ST3GAL3: variants seen among roughly 807,000 people sequenced by gnomAD.
ST3GAL3 encodes ST3 beta-galactoside alpha-2,3-sialyltransferase 3, also known as CMP-N-acetylneuraminate-beta-1,4-galactoside alpha-2,3-sialyltransferase.
A neutral mutation model predicts 50.1 loss-of-function variants in ST3GAL3; 21 were observed. That is an observed-to-expected ratio of 0.42 (90% CI 0.30 to 0.60). The LOEUF is 0.60. ST3GAL3 is among the 20% of genes least tolerant of loss of function. The pLI, the probability that ST3GAL3 is intolerant of heterozygous loss-of-function variation, is 0.19. For missense variants in ST3GAL3, 353 were observed against 489.4 expected (o/e 0.72, Z 2.63); for synonymous variants, 183 against 190.0 (o/e 0.96, Z 0.30).
chr1:43,768,742 A>G (rs1361808152), intron 2 of ST3GAL3, among the ~76,000 whole-genome samples: 5 of 152,228 alleles, frequency 3.3e-5, no homozygotes, highest in Non-Finnish European at 5.9e-5. Context: ...TTTTAAACCA[A>G]TGGAATCAAT....
intron 1 of ST3GAL3, 131 bp downstream of exon 1, chr1:43,707,824 C>CCGGGAAGGCGGGGTCGGGGCA (rs1489467774): frequency 3.3e-5 from 5 of 152,276 alleles, no homozygotes; most frequent in African/African-American, 9.6e-5. Context: ...GCGCTAGTGC[C>CCGGGAAGGCGGGGTCGGGGCA]CGGGAAGGCG....
intron 2 of ST3GAL3, among the ~76,000 whole-genome samples, chr1:43,790,134 T>C (rs2057865975): frequency 6.6e-6 from 1 of 152,078 alleles, no homozygotes; most frequent in Admixed American, 6.6e-5. Flanking sequence ...GAGAAAAAAA[T>C]ATCGATGAAA....
chr1:43,896,705 G>A (rs146865964), intron 6 of ST3GAL3: 51 of 152,212 alleles, frequency 3.4e-4, no homozygotes, highest in African/African-American at 1.2e-3. Flanking sequence ...TAGCACTCCT[G>A]ACTAATTTTT....
chr1:43,915,107 T>A (rs1316018451), intron 9 of ST3GAL3, among the ~76,000 whole-genome samples: 1 of 152,126 alleles, frequency 6.6e-6, no homozygotes, highest in Non-Finnish European at 1.5e-5. Context: ...GACAGACAGT[T>A]TGCCAGAGAA....
intron 5 of ST3GAL3, among the ~76,000 whole-genome samples, chr1:43,873,193 T>C (rs1303320235): frequency 6.6e-6 from 1 of 151,996 alleles, no homozygotes; most frequent in East Asian, 1.9e-4. Context: ...ACAGGAGAGA[T>C]GATTGTGACC....
intron 2 of ST3GAL3, among the ~76,000 whole-genome samples, chr1:43,784,845 A>G (rs774325190): frequency 3.9e-5 from 6 of 152,216 alleles, no homozygotes; most frequent in East Asian, 1.9e-4. Context: ...ATTCTGTGCT[A>G]TCTTTTCAGC....
chr1:43,760,670 C>T (rs1295417605), intron 2 of ST3GAL3, among the ~76,000 whole-genome samples: 2 of 151,962 alleles, frequency 1.3e-5, no homozygotes, highest in African/African-American at 2.4e-5. Context: ...GCAGGAGAAT[C>T]GCTTGAACTC....
intron 5 of ST3GAL3, among the ~76,000 whole-genome samples, chr1:43,871,245 A>G (rs1187393242): frequency 6.6e-6 from 1 of 152,236 alleles, no homozygotes; most frequent in Non-Finnish European, 1.5e-5. Context: ...TGAGGTGGCC[A>G]AAGTACTTGG....
At chr1:43,923,060 G>A (rs1213126223) in intron 11 of ST3GAL3, among the ~76,000 whole-genome samples, 2 of 152,146 alleles carry the variant, frequency 1.3e-5, no homozygotes, top group East Asian at 3.9e-4. Flanking sequence ...CTGCACTCTA[G>A]CCTGGGTGAC....
intron 2 of ST3GAL3, among the ~76,000 whole-genome samples, chr1:43,747,824 G>A (rs1354785738): frequency 2.0e-5 from 3 of 151,736 alleles, no homozygotes; most frequent in East Asian, 1.9e-4. Context: ...CAGGTGATCC[G>A]CTTGCCTTGG....
intron 1 of ST3GAL3, among the ~76,000 whole-genome samples, chr1:43,732,058 C>T (rs1032252702): frequency 2.6e-5 from 4 of 152,196 alleles, no homozygotes; most frequent in Admixed American, 1.3e-4. Flanking sequence ...TACTATTCTA[C>T]AGCTAGATTT....
At chr1:43,862,607 C>A (rs1283720162) in intron 5 of ST3GAL3, among the ~76,000 whole-genome samples, 1 of 152,036 alleles carries the variant, frequency 6.6e-6, no homozygotes, top group East Asian at 1.9e-4. Flanking sequence ...CCAACACCAG[C>A]AGCATCAACA....
Position 43,776,452 on chromosome 1 carries a change from T to C in ST3GAL3, c.119-15650T>C, listed in dbSNP as rs78733569. Among the ~76,000 whole-genome samples the C allele has an allele frequency of 7.7e-3, 1,165 of 152,256 alleles. 22 individuals carry two copies. Among genetic ancestry groups the C allele is most frequent in the African/African-American group, 0.027 (1,107 of 41,564 alleles). On this transcript the variant is annotated intron_variant, in intron 2 of 11. Coordinates refer to ENST00000347631, the MANE Select transcript of ST3GAL3 (RefSeq NM_006279.5). ...ATAGGATAACACCACATTTTATTTA[T>C]CCATTCATCAGTTGATGAATGGATA...
chr1:43,736,578 G>C, intron 2 of ST3GAL3, 198 bp downstream of exon 2: 1 of 900,578 alleles, frequency 1.1e-6, no homozygotes, highest in Non-Finnish European at 1.8e-6. Flanking sequence ...AAAACTGCAT[G>C]CCATGACAAA....
At chr1:43,729,091 T>TTC (rs1299842256) in intron 1 of ST3GAL3, among the ~76,000 whole-genome samples, 19 of 68,840 alleles carry the variant, frequency 2.8e-4, no homozygotes, top group Non-Finnish European at 5.4e-4. Flanking sequence ...TTATTTTTCT[T>TTC]TTTTTTTTTT....
chr1:43,917,458 A>T (rs905135742), intron 9 of ST3GAL3, among the ~76,000 whole-genome samples: 1 of 21,984 alleles, frequency 4.5e-5, no homozygotes, highest in African/African-American at 6.7e-5. Context: ...ATAATATATA[A>T]TATATATAAT....
chr1:43,708,272 A>G (rs994449042), intron 1 of ST3GAL3: 1 of 152,178 alleles, frequency 6.6e-6, no homozygotes, highest in Non-Finnish European at 1.5e-5. Context: ...TGTCCCATGA[A>G]CATTTTGGAT....
At chr1:43,890,896 A>G (rs959713527) in intron 5 of ST3GAL3, among the ~76,000 whole-genome samples, 1 of 152,084 alleles carries the variant, frequency 6.6e-6, no homozygotes, top group Non-Finnish European at 1.5e-5. Flanking sequence ...AACATGCTCA[A>G]CAATATCCGA....
intron 5 of ST3GAL3, among the ~76,000 whole-genome samples, chr1:43,881,490 G>T (rs190394954): frequency 7.6e-4 from 116 of 152,340 alleles, no homozygotes; most frequent in African/African-American, 2.6e-3. Context: ...AGGCAGGGGC[G>T]CCTGCCTGAC....
Sources: allele counts gnomAD v4.1 joint callset (sites outside exome capture counted in the v4.1 genomes callset), GRCh38; gene constraint gnomAD v4.1.1; transcripts MANE v1.5; gene names NCBI Gene and HGNC (gene_info 2026-07-23, HGNC 2026-07-21).